Variants in STPG4 observed in about 807,000 individuals in gnomAD.
STPG4 encodes sperm-tail PG-rich repeat containing 4.
Under a neutral mutation model 31.5 loss-of-function variants are expected in STPG4, and 41 were observed. The observed-to-expected ratio is 1.30, with a 90% CI of 1.01 to 1.69. The LOEUF is 1.69. STPG4 is among the 40% of genes most tolerant of loss of function. STPG4 has a pLI of 0.00. For synonymous variants in STPG4, 141 were observed against 103.0 expected (o/e 1.37, Z -2.24); for missense variants, 375 against 293.4 (o/e 1.28, Z -2.03).
chr2:47,129,796 G>A, intron 5 of STPG4, 145 bp downstream of exon 5: 3 of 1,000,434 alleles, frequency 3.0e-6, no homozygotes, highest in Non-Finnish European at 2.9e-6. Context: ...GTTTTCTTGT[G>A]TGGATAATTG....
chr2:47,121,421 G>A (rs1686270340), intron 5 of STPG4, among the ~76,000 whole-genome samples: 1 of 152,104 alleles, frequency 6.6e-6, no homozygotes, highest in African/African-American at 2.4e-5. Context: ...CTGACAGCTG[G>A]CTTAAACCCC....
At chr2:47,122,821 G>GTTTTGT (rs554810897) in intron 5 of STPG4, among the ~76,000 whole-genome samples, 2 of 149,920 alleles carry the variant, frequency 1.3e-5, no homozygotes, top group Non-Finnish European at 3.0e-5. Context: ...TTGTCTGTTT[G>GTTTTGT]TTTTGTTTTT....
intron 6 of STPG4, among the ~76,000 whole-genome samples, chr2:47,087,993 T>C (rs1383304185): frequency 6.6e-6 from 1 of 152,132 alleles, no homozygotes; most frequent in Admixed American, 6.5e-5. Context: ...GATCTCGTGA[T>C]CCGCCCACCT....
At chr2:47,124,890 G>A (rs1169664494) in intron 5 of STPG4, among the ~76,000 whole-genome samples, 1 of 152,178 alleles carries the variant, frequency 6.6e-6, no homozygotes, top group Non-Finnish European at 1.5e-5. Flanking sequence ...CTCACCAACA[G>A]TGTACAAGGG....
intron 5 of STPG4, among the ~76,000 whole-genome samples, chr2:47,121,847 CGTGTGTGTGT>C (rs10538224): frequency 0.64 from 92,572 of 144,220 alleles, 30,876 homozygotes; most frequent in East Asian, 0.89. Flanking sequence ...GCCCTCTCCT[CGTGTGTGTGT>C]GTGTGTGTGT....
Position 47,155,190 on chromosome 2 carries a change from T to C in STPG4, c.62A>G (p.Glu21Gly). Residue 21 changes from glutamate (E) to glycine (G), a missense_variant, in exon 1 of 7, where the codon GAA becomes GGA. By Grantham distance (98) the Glu-to-Gly change is moderately conservative. Coordinates refer to ENST00000445927, the MANE Select transcript of STPG4 (RefSeq NM_001163561.2). ...TCTTACCGAAGCTGTGATGAATGATTCTCCACCCACCAGGTCTTCCCTTAT... is the reference window on the plus strand; with the variant it reads ...TCTTACCGAAGCTGTGATGAATGATCCTCCACCCACCAGGTCTTCCCTTAT... The part of the protein sequence containing the change: ...TSIREDLVGG[E>G]SFITASKPAQ... The C allele has an allele frequency of 6.2e-7, 1 of 1,614,082 alleles. No homozygotes were observed. The highest frequency in any genetic ancestry group is 8.5e-7 in the Non-Finnish European group (1 of 1,180,008).
chr2:47,151,914 G>GTT (rs1205503996), intron 2 of STPG4, among the ~76,000 whole-genome samples: 1 of 38,144 alleles, frequency 2.6e-5, no homozygotes, highest in Non-Finnish European at 5.8e-5. Context: ...CTAGTTTTTT[G>GTT]TTTTGTTTTT....
intron 5 of STPG4, among the ~76,000 whole-genome samples, chr2:47,114,566 T>A (rs548635758): frequency 6.6e-6 from 1 of 152,272 alleles, no homozygotes; most frequent in East Asian, 1.9e-4. Context: ...ACAGCATTTG[T>A]TTTTTATCTG....
chr2:47,136,336 C>T (rs938338474), intron 3 of STPG4, among the ~76,000 whole-genome samples: 36 of 151,938 alleles, frequency 2.4e-4, no homozygotes, highest in African/African-American at 7.2e-4. Context: ...TCAGTAGAGA[C>T]GGGGTTTCAC....
intron 5 of STPG4, among the ~76,000 whole-genome samples, chr2:47,120,715 T>C (rs1044447715): frequency 3.3e-5 from 5 of 152,182 alleles, no homozygotes; most frequent in African/African-American, 1.2e-4. Context: ...ATTTTAGTGT[T>C]CTTGGCTATT....
rs57475505 is a variant in STPG4, at chr2:47,127,252, C to CTTTTTTTTTTTTTTTTTTTTTTTTTT, written c.519+2663_519+2688dup. ...CAAATAGCTTGTCTTCAAGCTAATT[C>CTTTTTTTTTTTTTTTTTTTTTTTTTT]TTTTTTTTTTTTTTTTTTTTTTTTT... On this transcript the variant is annotated intron_variant, in intron 5 of 6. Transcript: ENST00000445927. 1.2e-4 allele frequency among the ~76,000 whole-genome samples: 7 copies of CTTTTTTTTTTTTTTTTTTTTTTTTTT among 57,476 alleles called. 2 individuals are homozygous for CTTTTTTTTTTTTTTTTTTTTTTTTTT. Among genetic ancestry groups the CTTTTTTTTTTTTTTTTTTTTTTTTTT allele is most frequent in the Admixed American group, 1.0e-3 (4 of 3,912 alleles). The allele number at this position is 57,476 out of a possible 152,430, so 37.7% of individuals were successfully genotyped here. A position where few individuals can be genotyped will look rare whatever the true frequency, so the allele number is the denominator to read the frequency against.
intron 5 of STPG4, among the ~76,000 whole-genome samples, chr2:47,112,009 A>G (rs185863297): frequency 4.7e-4 from 72 of 152,346 alleles, no homozygotes; most frequent in African/African-American, 1.6e-3. Flanking sequence ...TAGCTCCTCT[A>G]TATCAAGAGG....
intron 3 of STPG4, among the ~76,000 whole-genome samples, chr2:47,144,839 T>C (rs562336153): frequency 6.6e-6 from 1 of 152,260 alleles, no homozygotes; most frequent in African/African-American, 2.4e-5. Context: ...CAAACGATTC[T>C]CCTGCCTCAG....
intron 5 of STPG4, among the ~76,000 whole-genome samples, chr2:47,092,387 T>C (rs1161964183): frequency 6.7e-6 from 1 of 148,718 alleles, no homozygotes; most frequent in Admixed American, 6.7e-5. Context: ...AATTAGCCAG[T>C]TGTGGGGGTG....
intron 5 of STPG4, among the ~76,000 whole-genome samples, chr2:47,095,199 T>G (rs1362112618): frequency 1.3e-5 from 2 of 152,236 alleles, no homozygotes; most frequent in Non-Finnish European, 2.9e-5. Context: ...GAGTTCCCGG[T>G]ACCTCAGTAT....
chr2:47,104,231 C>T (rs947386923), intron 5 of STPG4, among the ~76,000 whole-genome samples: 3 of 151,942 alleles, frequency 2.0e-5, no homozygotes, highest in African/African-American at 7.3e-5. Flanking sequence ...AAAGATCCCA[C>T]CACTTTTCCT....
At chr2:47,110,038 T>G (rs1686003748) in intron 5 of STPG4, among the ~76,000 whole-genome samples, 2 of 152,154 alleles carry the variant, frequency 1.3e-5, no homozygotes, top group African/African-American at 4.8e-5. Flanking sequence ...ATTTCTGACA[T>G]CAAAGAAACC....
intron 5 of STPG4, among the ~76,000 whole-genome samples, chr2:47,100,287 AAC>A (rs1685767336): frequency 6.6e-6 from 1 of 151,196 alleles, no homozygotes; most frequent in Non-Finnish European, 1.5e-5. Context: ...AAGGTTTGTA[AAC>A]ACACCAATCA....
At chr2:47,135,479 C>G (rs1051053470) in intron 3 of STPG4, among the ~76,000 whole-genome samples, 1 of 152,110 alleles carries the variant, frequency 6.6e-6, no homozygotes, top group African/African-American at 2.4e-5. Context: ...CTGCACCTCC[C>G]AGGTTCAAAC....
Sources: gnomAD v4.1 joint callset for allele counts (sites outside exome capture counted in the v4.1 genomes callset) on GRCh38, gnomAD v4.1.1 for gene constraint, MANE v1.5 for transcripts, NCBI Gene and HGNC (gene_info 2026-07-23, HGNC 2026-07-21) for gene names.